The following LRRC4C variants were observed in gnomAD, a reference collection of about 807,000 sequenced individuals.
LRRC4C encodes leucine-rich repeat-containing protein 4C.
A neutral mutation model predicts 33.6 loss-of-function variants in LRRC4C; 5 were observed. The observed-to-expected ratio is 0.15, with a 90% CI of 0.08 to 0.31. The LOEUF (loss-of-function observed/expected upper bound fraction) is 0.31. LRRC4C is among the 10% of genes least tolerant of loss of function. LRRC4C has a pLI of 1.00. For missense variants in LRRC4C, 560 were observed against 796.7 expected (o/e 0.70, Z 3.58); for synonymous variants, 329 against 302.0 (o/e 1.09, Z -0.93).
chr11:40,151,156 T>C (rs1216242943), intron 5 of LRRC4C, among the ~76,000 whole-genome samples: 3 of 152,184 alleles, frequency 2.0e-5, no homozygotes, highest in African/African-American at 7.2e-5. Context: ...TCTCTAACTT[T>C]TCCCCAAGAG....
chr11:40,316,716 C>T (rs947150148), intron 4 of LRRC4C, among the ~76,000 whole-genome samples: 4 of 151,862 alleles, frequency 2.6e-5, no homozygotes, highest in South Asian at 2.1e-4. Context: ...TTATCATATG[C>T]GTGACTGTAA....
intron 1 of LRRC4C, among the ~76,000 whole-genome samples, chr11:41,097,846 A>C (rs538223240): frequency 6.6e-6 from 1 of 152,258 alleles, no homozygotes; most frequent in Admixed American, 6.5e-5. Flanking sequence ...AGCCATGGTC[A>C]TGCCTCACAT....
At chr11:40,708,883 TG>T (rs1946317915) in intron 2 of LRRC4C, among the ~76,000 whole-genome samples, 2 of 152,192 alleles carry the variant, frequency 1.3e-5, no homozygotes, top group African/African-American at 4.8e-5. Context: ...TTTATGAATC[TG>T]GGTGCTCCTG....
intron 2 of LRRC4C, among the ~76,000 whole-genome samples, chr11:40,670,611 T>TA (rs1282547389): frequency 6.6e-6 from 1 of 152,154 alleles, no homozygotes; most frequent in Non-Finnish European, 1.5e-5. Context: ...TGTATGCCCA[T>TA]AAAACCACCA....
chr11:41,216,867 T>C (rs1472603815), intron 1 of LRRC4C, among the ~76,000 whole-genome samples: 1 of 152,186 alleles, frequency 6.6e-6, no homozygotes, highest in Non-Finnish European at 1.5e-5. Context: ...AGAAAAACAA[T>C]TTAGATACCT....
At chr11:40,731,286 T>TA (rs1196787687) in intron 2 of LRRC4C, among the ~76,000 whole-genome samples, 2 of 152,010 alleles carry the variant, frequency 1.3e-5, no homozygotes, top group Non-Finnish European at 2.9e-5. Flanking sequence ...GCCACTGCAC[T>TA]CCAGCCTGGG....
At chr11:40,461,678 A>C (rs2138190452) in intron 3 of LRRC4C, among the ~76,000 whole-genome samples, 1 of 148,676 alleles carries the variant, frequency 6.7e-6, no homozygotes, top group South Asian at 2.1e-4. Context: ...AATTATATAT[A>C]TATTATATAA....
At position 40,658,835 on chromosome 11, in the gene LRRC4C, C is replaced by A. The variant is rs151326055; in HGVS notation, c.-406-10557G>T. On this transcript the variant is annotated intron_variant, in intron 2 of 6. Coordinates refer to ENST00000528697, the MANE Select transcript of LRRC4C (RefSeq NM_001258419.2). ...TCTAGTGTTAAGTAACTTTCCCTTA[C>A]AAGAATGTGGGTCAAAGTGATAGCA... Among the ~76,000 whole-genome samples the A allele has an allele frequency of 2.8e-3, 423 of 152,260 alleles. 2 individuals carry two copies. Among genetic ancestry groups the A allele is most frequent in the African/African-American group, 9.8e-3 (408 of 41,568 alleles).
intron 1 of LRRC4C, among the ~76,000 whole-genome samples, chr11:41,008,875 C>T (rs1057241932): frequency 6.6e-6 from 1 of 152,018 alleles, no homozygotes; most frequent in African/African-American, 2.4e-5. Context: ...CCATCATTTC[C>T]AAATCCTCTT....
intron 3 of LRRC4C, among the ~76,000 whole-genome samples, chr11:40,503,604 A>G (rs1169834340): frequency 2.0e-5 from 3 of 152,208 alleles, no homozygotes; most frequent in Admixed American, 6.5e-5. Flanking sequence ...TTAACTCGCT[A>G]TCACAATTCT....
chr11:40,391,821 T>C (rs1463691780), intron 3 of LRRC4C, among the ~76,000 whole-genome samples: 3 of 152,184 alleles, frequency 2.0e-5, no homozygotes, highest in Non-Finnish European at 4.4e-5. Flanking sequence ...TGAAATTTTA[T>C]GTCCACATAA....
At chr11:40,556,792 G>T (rs1008114999) in intron 3 of LRRC4C, among the ~76,000 whole-genome samples, 1 of 152,150 alleles carries the variant, frequency 6.6e-6, no homozygotes, top group Non-Finnish European at 1.5e-5. Context: ...AACTGCAAGA[G>T]ATTAAAAATC....
chr11:40,890,718 T>C (rs553332250), intron 2 of LRRC4C, among the ~76,000 whole-genome samples: 3 of 152,168 alleles, frequency 2.0e-5, no homozygotes, highest in South Asian at 4.2e-4. Context: ...GCTCGTTAAG[T>C]AGCACAGATT....
intron 3 of LRRC4C, among the ~76,000 whole-genome samples, chr11:40,387,318 T>G (rs913360965): frequency 6.6e-6 from 1 of 152,138 alleles, no homozygotes; most frequent in Non-Finnish European, 1.5e-5. Context: ...CTTGATAGGT[T>G]ACTCATTAAA....
chr11:40,670,888 C>G (rs565782489), intron 2 of LRRC4C, among the ~76,000 whole-genome samples: 1 of 152,260 alleles, frequency 6.6e-6, no homozygotes, highest in South Asian at 2.1e-4. Flanking sequence ...CTCAGCCTCC[C>G]GAGTGGCTGG....
intron 1 of LRRC4C, among the ~76,000 whole-genome samples, chr11:41,189,414 G>A (rs1945848128): frequency 6.6e-6 from 1 of 152,116 alleles, no homozygotes; most frequent in Non-Finnish European, 1.5e-5. Flanking sequence ...AGGGCAATGT[G>A]ACTGGAAAAT....
At chr11:40,354,741 C>A (rs2137113308) in intron 3 of LRRC4C, among the ~76,000 whole-genome samples, 1 of 152,192 alleles carries the variant, frequency 6.6e-6, no homozygotes, top group African/African-American at 2.4e-5. Context: ...CAGTCGGCTT[C>A]CCTGTGGCCC....
chr11:41,021,922 G>A (rs1279795996), intron 1 of LRRC4C, among the ~76,000 whole-genome samples: 7 of 151,758 alleles, frequency 4.6e-5, no homozygotes, highest in Non-Finnish European at 1.0e-4. Flanking sequence ...ACTAATAAGG[G>A]CTTCCTTGCG....
chr11:40,586,192 T>G (rs1199422632), intron 3 of LRRC4C, among the ~76,000 whole-genome samples: 44 of 151,984 alleles, frequency 2.9e-4, no homozygotes, highest in African/African-American at 1.0e-3. Context: ...GGTATCTCAT[T>G]GTGGTTTTGA....
Sources: allele counts gnomAD v4.1 joint callset (sites outside exome capture counted in the v4.1 genomes callset), GRCh38; gene constraint gnomAD v4.1.1; transcripts MANE v1.5; gene names NCBI Gene and HGNC (gene_info 2026-07-23, HGNC 2026-07-21).